Variants in CHID1 observed in about 807,000 individuals in gnomAD.
CHID1 encodes the protein chitinase domain containing 1.
CHID1 carries 44 observed loss-of-function variants against 55.4 expected under a neutral mutation model. The ratio of observed to expected loss-of-function variants is 0.79; its 90% CI spans 0.62 to 1.02. The LOEUF (loss-of-function observed/expected upper bound fraction) is 1.02, where lower values mean the gene tolerates loss of function less well. Among genes scored for constraint, CHID1 ranks in the 50% least tolerant of loss-of-function variants. The pLI is 0.00. For missense variants in CHID1, 491 were observed against 515.3 expected (o/e 0.95, Z 0.46); for synonymous variants, 216 against 212.9 (o/e 1.01, Z -0.13).
At chr11:900,588 G>C (rs1371645277) in intron 5 of CHID1, among the ~76,000 whole-genome samples, 1 of 152,178 alleles carries the variant, frequency 6.6e-6, no homozygotes, top group African/African-American at 2.4e-5. Context: ...GCCAGGGTCA[G>C]CATCACCCTC....
chr11:878,809 C>T (rs1220376815), intron 10 of CHID1, among the ~76,000 whole-genome samples: 2 of 151,780 alleles, frequency 1.3e-5, no homozygotes, highest in Non-Finnish European at 2.9e-5. Flanking sequence ...CCAAGTGATT[C>T]TCCTGTCTCA....
At chr11:911,009 C>G (rs1852651264), upstream of CHID1, 1 of 161,012 alleles carries the variant, frequency 6.2e-6, no homozygotes, top group Non-Finnish European at 1.3e-5. Context: ...GCGCGTTCAC[C>G]TTGAGCGCCC....
At chr11:888,573 T>C (rs1466909545) in intron 8 of CHID1, among the ~76,000 whole-genome samples, 3 of 152,184 alleles carry the variant, frequency 2.0e-5, no homozygotes, top group East Asian at 3.9e-4. Context: ...TGACTTCCGA[T>C]GAACAGGAAT....
At chr11:898,112 C>T (rs1851514838) in intron 7 of CHID1, among the ~76,000 whole-genome samples, 2 of 152,216 alleles carry the variant, frequency 1.3e-5, no homozygotes, top group Non-Finnish European at 2.9e-5. Context: ...TGAGGGTCCT[C>T]TGAGCCCCTG....
intron 10 of CHID1, among the ~76,000 whole-genome samples, chr11:881,734 G>A (rs1356842684): frequency 6.6e-6 from 1 of 152,032 alleles, no homozygotes; most frequent in Non-Finnish European, 1.5e-5. Context: ...CAGGCACGGG[G>A]CTCACACCTG....
intron 8 of CHID1, among the ~76,000 whole-genome samples, chr11:889,086 G>A (rs747627234): frequency 2.0e-5 from 3 of 152,198 alleles, no homozygotes; most frequent in Non-Finnish European, 2.9e-5. Flanking sequence ...ATCCCAGGCT[G>A]GGGCCTGACC....
At chr11:912,397 C>T (rs182179371), upstream of CHID1, among the ~76,000 whole-genome samples, 140 of 152,320 alleles carry the variant, frequency 9.2e-4, 3 homozygotes, top group East Asian at 0.021. Context: ...AGATGGGGCC[C>T]GCAGATGGGA....
Position 883,240 on chromosome 11 carries a change from G to C in CHID1, c.867C>G (p.Ser289=), listed in dbSNP as rs777608984. 1 of 1,614,188 alleles carries C rather than the reference G, an allele frequency of 6.2e-7. No homozygotes were observed. The highest frequency in any genetic ancestry group is 2.2e-5 in the East Asian group (1 of 44,882). The change falls in exon 10 of 13, where the codon TCC becomes TCG. Residue 289 remains serine (S), a synonymous_variant. Transcript: ENST00000323578. The part of the protein sequence containing the change: ...RACVQVLDPK[S]KWRSKILLGL... The stretch of plus-strand genomic sequence containing the variant: ...CCAGGAGGATTTTGCTTCGCCACTT[G>C]GACTTCGGGTCCAGGACCTGGACGC...
At chr11:899,872 G>C in intron 6 of CHID1, 132 bp downstream of exon 6, 1 of 640,182 alleles carries the variant, frequency 1.6e-6, no homozygotes. Context: ...CTGGAAGATG[G>C]GGGCTGCACC....
At chr11:880,598 C>T (rs914606147) in intron 10 of CHID1, among the ~76,000 whole-genome samples, 1 of 152,176 alleles carries the variant, frequency 6.6e-6, no homozygotes, top group Non-Finnish European at 1.5e-5. Flanking sequence ...CCCCAACATA[C>T]TCCTCTACCC....
At chr11:910,662 C>T (rs1565211393) in intron 1 of CHID1, 113 bp downstream of exon 1, 2 of 1,269,336 alleles carry the variant, frequency 1.6e-6, no homozygotes, top group Non-Finnish European at 1.0e-6. Context: ...CGCCCGCGAC[C>T]CCACGCCCGT....
chr11:913,148 C>A (rs546824740), upstream of CHID1, among the ~76,000 whole-genome samples: 3 of 150,042 alleles, frequency 2.0e-5, no homozygotes, highest in African/African-American at 5.0e-5. Flanking sequence ...ATTGCCCCCC[C>A]CCGCAAAAAA....
In CHID1 at chr11:900,051, C is replaced by T. The variant is rs1851690552; in HGVS notation, c.499G>A (p.Glu167Lys). The T allele has an allele frequency of 2.5e-6, 4 of 1,614,014 alleles. No homozygotes were observed. The highest frequency in any genetic ancestry group is 2.5e-6 in the Non-Finnish European group (3 of 1,180,000). ...YDDFRNVLDS[E>K]DEIEELSKTV... is the part of the protein sequence containing the mutation. Reference sequence around the variant, plus strand: ...TTGCTCAGCTCCTCTATCTCATCCTCACTGTCTAAGACGTTCCGGAAATCA... The same window carrying T: ...TTGCTCAGCTCCTCTATCTCATCCTTACTGTCTAAGACGTTCCGGAAATCA... Residue 167 changes from glutamate to lysine, a missense_variant, in exon 6 of 13, where the codon GAG becomes AAG. By Grantham distance (56) the Glu-to-Lys change is moderately conservative. Transcript: ENST00000323578.
rs1850128279 is a variant in CHID1, at chr11:883,149, T to A, written c.958A>T (p.Arg320Trp). The A allele has an allele frequency of 1.2e-6, 2 of 1,609,160 alleles. No homozygotes were observed. The highest frequency in any genetic ancestry group is 3.3e-5 in the Admixed American group (2 of 59,938). The change falls in exon 10 of 13, where the codon AGG becomes TGG. Residue 320 changes from arginine (R) to tryptophan (W), a missense_variant and splice_region_variant. Arg to Trp is a moderately radical substitution (Grantham distance 101). Transcript: ENST00000323578. ...KDAREPVVGA[R>W]YIQTLKDHRP... ...CGGCAGGGAGAGCCCTTGGCTCACCTGGCCCCGACAACAGGCTCACGGGCA... is the reference window on the plus strand; with the variant it reads ...CGGCAGGGAGAGCCCTTGGCTCACCAGGCCCCGACAACAGGCTCACGGGCA...
In CHID1 at chr11:900,004, C is replaced by G. The variant is rs1158675547; in HGVS notation, c.546G>C (p.Lys182Asn). The change falls in exon 6 of 13, where the codon AAG (lysine) becomes AAC (asparagine). Residue 182 changes from lysine to asparagine, a missense_variant and splice_region_variant. Lys to Asn is a moderately conservative substitution (Grantham distance 94). Transcript: ENST00000323578. ...ELSKTVVQVA[K>N]NQHFDGFVVE... The stretch of plus-strand genomic sequence containing the variant: ...GGCTGGAGCAGCACACAGGTCTCAC[C>G]TTTGCCACCTGGACCACGGTCTTGC... The G allele has an allele frequency of 6.2e-7, 1 of 1,610,976 alleles. No individual in the cohort carries two copies. The highest frequency in any genetic ancestry group is 1.1e-5 in the South Asian group (1 of 91,030).
rs542332403 is a variant in CHID1 at position 893,531 on chromosome 11, G to A, written c.609-12C>T. On this transcript the variant is annotated splice_polypyrimidine_tract_variant and intron_variant, in intron 7 of 12. Transcript: ENST00000323578. ...TGTGGATGAGGCCCCTGCAAGAACC[G>A]AGAGATGGGGTCAGCAGTGCCTGGC... 74 of 1,542,526 alleles carry A rather than the reference G, an allele frequency of 4.8e-5. No individual in the cohort carries two copies. The highest frequency in any genetic ancestry group is 2.5e-4 in the East Asian group (10 of 40,780).
rs887330106 is a variant in CHID1 at position 875,869 on chromosome 11, A to C, written c.960-5370T>G. Among the ~76,000 whole-genome samples the C allele has an allele frequency of 6.6e-6, 1 of 152,126 alleles. No homozygotes were observed. The highest frequency in any genetic ancestry group is 1.5e-5 in the Non-Finnish European group (1 of 68,024). On this transcript the variant is annotated intron_variant, in intron 10 of 12. Transcript: ENST00000323578. This position sits in a 1 kb window ranked among gnomAD's most constrained non-coding sequence, Gnocchi z 4.7. ...TGGCGGGTGACAGACAGGATGAAGG[A>C]ACGATGGGCTCCACTCTGCAGAGGA...
chr11:890,414 C>T (rs923946596), intron 8 of CHID1, among the ~76,000 whole-genome samples: 1 of 152,246 alleles, frequency 6.6e-6, no homozygotes, highest in Non-Finnish European at 1.5e-5. Flanking sequence ...ATAGCGATGG[C>T]CGGCCCTGAA....
chr11:901,888 G>A (rs893885068), intron 4 of CHID1, among the ~76,000 whole-genome samples: 1 of 150,664 alleles, frequency 6.6e-6, no homozygotes, highest in African/African-American at 2.4e-5. Context: ...CTGCTCTGCC[G>A]GCTGGGCCCC....
Sources: allele counts gnomAD v4.1 joint callset (sites outside exome capture counted in the v4.1 genomes callset), GRCh38; gene constraint gnomAD v4.1.1; non-coding constraint Gnocchi (gnomAD v3.1); transcripts MANE v1.5; gene names NCBI Gene and HGNC (gene_info 2026-07-23, HGNC 2026-07-21).